TMEM108: variants seen among roughly 807,000 people sequenced by gnomAD.
The protein encoded by TMEM108 is cancer/testis antigen 124.
In TMEM108, 12 loss-of-function variants were observed where a neutral mutation model predicts 35.1. That is an observed-to-expected ratio of 0.34 (90% confidence interval 0.22 to 0.55). The LOEUF (loss-of-function observed/expected upper bound fraction) is 0.55, where lower values mean the gene tolerates loss of function less well. Ranked by LOEUF, TMEM108 falls within the 20% of genes least tolerant of loss-of-function variation. TMEM108 has a pLI of 0.89. For synonymous variants in TMEM108, 287 were observed against 308.6 expected (o/e 0.93, Z 0.73); for missense variants, 680 against 753.3 (o/e 0.90, Z 1.14).
At chr3:133,222,204 AT>A (rs145317075) in intron 2 of TMEM108, among the ~76,000 whole-genome samples, 3 of 151,014 alleles carry the variant, frequency 2.0e-5, no homozygotes, top group South Asian at 4.2e-4. Flanking sequence ...TTTTTTGGCA[AT>A]TTTTTTTTCC....
At chr3:133,181,024 A>AC (rs1945332978) in intron 2 of TMEM108, among the ~76,000 whole-genome samples, 9 of 142,034 alleles carry the variant, frequency 6.3e-5, no homozygotes, top group African/African-American at 2.7e-4. Flanking sequence ...AAAAAAAAAA[A>AC]AAAAAAAAAA....
At chr3:133,056,897 G>A (rs1484936019) in intron 2 of TMEM108, among the ~76,000 whole-genome samples, 1 of 152,128 alleles carries the variant, frequency 6.6e-6, no homozygotes, top group Non-Finnish European at 1.5e-5. Flanking sequence ...CGTGAACGTC[G>A]AATGCTCTGA....
At chr3:133,176,636 C>T (rs1305070608) in intron 2 of TMEM108, among the ~76,000 whole-genome samples, 1 of 150,238 alleles carries the variant, frequency 6.7e-6, no homozygotes, top group Non-Finnish European at 1.5e-5. Context: ...AAAGACACAA[C>T]ATACCAGAAT....
intron 2 of TMEM108, among the ~76,000 whole-genome samples, chr3:133,123,352 A>C (rs1009034899): frequency 6.6e-6 from 1 of 152,224 alleles, no homozygotes; most frequent in Non-Finnish European, 1.5e-5. Context: ...GATACATTCA[A>C]GGCAAGGGAA....
intron 3 of TMEM108, among the ~76,000 whole-genome samples, chr3:133,370,003 TTGCAACAGTAG>T (rs1559933080): frequency 6.6e-6 from 1 of 152,210 alleles, no homozygotes; most frequent in East Asian, 1.9e-4. Flanking sequence ...TACAGAAAAG[TTGCAACAGTAG>T]TGCAGAGTTC....
chr3:133,317,114 T>C (rs116384976), intron 3 of TMEM108, among the ~76,000 whole-genome samples: 206 of 152,360 alleles, frequency 1.4e-3, no homozygotes, highest in African/African-American at 4.6e-3. Flanking sequence ...TTGTGAGTGA[T>C]TGAAAAGCAT....
chr3:133,099,525 G>A (rs1023141446), intron 2 of TMEM108, among the ~76,000 whole-genome samples: 1 of 152,174 alleles, frequency 6.6e-6, no homozygotes, highest in African/African-American at 2.4e-5. Context: ...GCATCATCAG[G>A]CTGTAAATTT....
chr3:133,306,400 G>T (rs11926667), intron 3 of TMEM108, among the ~76,000 whole-genome samples: 51,551 of 151,924 alleles, frequency 0.34, 9,137 homozygotes, highest in East Asian at 0.48. Flanking sequence ...AAGTTCTAGG[G>T]TACATGTGCA....
chr3:133,120,403 A>T (rs1298698497), intron 2 of TMEM108, among the ~76,000 whole-genome samples: 1 of 152,192 alleles, frequency 6.6e-6, no homozygotes, highest in East Asian at 1.9e-4. Flanking sequence ...TACATTTCAC[A>T]TTTAGCGTTC....
chr3:133,209,387 A>C (rs1945804034), intron 2 of TMEM108, among the ~76,000 whole-genome samples: 1 of 152,160 alleles, frequency 6.6e-6, no homozygotes, highest in Non-Finnish European at 1.5e-5. Context: ...TACCTTGTCT[A>C]ATACAAGTGC....
chr3:133,383,690 G>C (rs1197306), intron 4 of TMEM108, among the ~76,000 whole-genome samples: 67,826 of 152,118 alleles, frequency 0.45, 15,157 homozygotes, highest in Non-Finnish European at 0.47. Flanking sequence ...AAGACAGGAG[G>C]AAGGACACAG....
chr3:133,295,289 T>G (rs185802514), intron 3 of TMEM108, among the ~76,000 whole-genome samples: 2 of 152,186 alleles, frequency 1.3e-5, no homozygotes, highest in East Asian at 3.9e-4. Flanking sequence ...GAGCAAAGCT[T>G]TTCTGGAGGG....
chr3:133,051,207 A>G (rs951988295), intron 2 of TMEM108, among the ~76,000 whole-genome samples: 7 of 152,050 alleles, frequency 4.6e-5, no homozygotes, highest in African/African-American at 9.7e-5. Context: ...TGGCCATTCT[A>G]ATAAATGTGT....
intron 2 of TMEM108, among the ~76,000 whole-genome samples, chr3:133,167,311 C>T (rs1945055259): frequency 6.6e-6 from 1 of 152,262 alleles, no homozygotes; most frequent in Non-Finnish European, 1.5e-5. Context: ...AAGTCCCCAC[C>T]CAACTCAGGA....
intron 3 of TMEM108, among the ~76,000 whole-genome samples, chr3:133,370,612 A>ATATC (rs928097811): frequency 6.6e-6 from 1 of 152,078 alleles, no homozygotes; most frequent in Non-Finnish European, 1.5e-5. Flanking sequence ...TGTCAGAGAG[A>ATATC]TGTTCCATGA....
At chr3:133,256,093 G>A (rs1559883999) in intron 3 of TMEM108, among the ~76,000 whole-genome samples, 1 of 152,154 alleles carries the variant, frequency 6.6e-6, no homozygotes, top group Non-Finnish European at 1.5e-5. Flanking sequence ...AGAGGAAAAT[G>A]TTCCTTATAA....
At chr3:133,273,169 C>G (rs1037637972) in intron 3 of TMEM108, among the ~76,000 whole-genome samples, 1 of 152,122 alleles carries the variant, frequency 6.6e-6, no homozygotes, top group African/African-American at 2.4e-5. Context: ...TTAATGAGCC[C>G]CTTTAACCCA....
intron 2 of TMEM108, among the ~76,000 whole-genome samples, chr3:133,180,087 C>T (rs1041101942): frequency 1.3e-5 from 2 of 152,086 alleles, no homozygotes; most frequent in Non-Finnish European, 2.9e-5. Context: ...TCTAGTATTT[C>T]AAGTTTATCA....
intron 3 of TMEM108, among the ~76,000 whole-genome samples, chr3:133,314,590 A>G (rs1182599922): frequency 6.6e-6 from 1 of 152,216 alleles, no homozygotes; most frequent in Admixed American, 6.5e-5. Context: ...CCCATTATAC[A>G]TTACAGCCAA....
Sources: gnomAD v4.1 joint callset for allele counts (sites outside exome capture counted in the v4.1 genomes callset) on GRCh38, gnomAD v4.1.1 for gene constraint, MANE v1.5 for transcripts, NCBI Gene and HGNC (gene_info 2026-07-23, HGNC 2026-07-21) for gene names.